Variants in COL15A1 observed in about 807,000 individuals in gnomAD.
COL15A1 encodes the protein collagen type XV alpha 1 chain.
Under a neutral mutation model 165.9 loss-of-function variants are expected in COL15A1, and 111 were observed. That is an observed-to-expected ratio of 0.67 (90% confidence interval 0.57 to 0.78). COL15A1 has a LOEUF of 0.78. Among genes scored for constraint, COL15A1 ranks in the 30% least tolerant of loss-of-function variants. COL15A1 has a pLI of 0.00. For missense variants in COL15A1, 1,745 were observed against 1,789.7 expected (o/e 0.98, Z 0.45); for synonymous variants, 659 against 674.8 (o/e 0.98, Z 0.36).
At chr9:98,990,478 A>G (rs1407257948) in intron 5 of COL15A1, among the ~76,000 whole-genome samples, 1 of 152,220 alleles carries the variant, frequency 6.6e-6, no homozygotes, top group Non-Finnish European at 1.5e-5. Flanking sequence ...CTGTGTGCCC[A>G]TCAGCCCTTG....
intron 2 of COL15A1, among the ~76,000 whole-genome samples, chr9:98,947,399 G>A (rs1837603719): frequency 6.6e-6 from 1 of 152,158 alleles, no homozygotes; most frequent in African/African-American, 2.4e-5. Context: ...AAAGGGGCAT[G>A]AGGAAACTTT....
chr9:98,966,214 A>G (rs1304164709), intron 2 of COL15A1, among the ~76,000 whole-genome samples: 1 of 152,214 alleles, frequency 6.6e-6, no homozygotes, highest in Non-Finnish European at 1.5e-5. Flanking sequence ...CATAGTATCA[A>G]TCATGCCAAA....
At chr9:99,020,787 G>A (rs993087221) in intron 12 of COL15A1, among the ~76,000 whole-genome samples, 8 of 152,178 alleles carry the variant, frequency 5.3e-5, no homozygotes, top group African/African-American at 1.9e-4. Context: ...TCTGGGCTCT[G>A]CCCCTGATTT....
intron 40 of COL15A1, among the ~76,000 whole-genome samples, 155 bp from the exon 41 acceptor site, chr9:99,068,400 G>A (rs1323088166): frequency 6.7e-6 from 1 of 150,304 alleles, no homozygotes; most frequent in African/African-American, 2.5e-5. Flanking sequence ...GGGAGGTGGA[G>A]GTTGCAGTGA....
chr9:99,003,640 T>G, intron 8 of COL15A1, 53 bp downstream of exon 8: 1 of 1,442,708 alleles, frequency 6.9e-7, no homozygotes, highest in Non-Finnish European at 9.2e-7. Flanking sequence ...GGTTGTGGGT[T>G]GTGTTGGGTG....
intron 2 of COL15A1, among the ~76,000 whole-genome samples, chr9:98,966,005 C>T (rs1837950952): frequency 6.6e-6 from 1 of 152,118 alleles, no homozygotes; most frequent in Non-Finnish European, 1.5e-5. Flanking sequence ...CAGCCCAGCG[C>T]CAAGTCCAGA....
chr9:99,034,865 C>A, intron 17 of COL15A1, 149 bp from the exon 18 acceptor site: 1 of 852,482 alleles, frequency 1.2e-6, no homozygotes, highest in Non-Finnish European at 1.9e-6. Context: ...ATTAGCAAGA[C>A]AGCTGTTTCT....
At chr9:99,027,615 A>G (rs1480017803) in intron 16 of COL15A1, among the ~76,000 whole-genome samples, 1 of 151,888 alleles carries the variant, frequency 6.6e-6, no homozygotes, top group Non-Finnish European at 1.5e-5. Flanking sequence ...ACAACTGCAT[A>G]CAAAACACCC....
At chr9:99,054,736 C>T (rs540935649) in intron 32 of COL15A1, 80 bp downstream of exon 32, 1 of 1,469,514 alleles carries the variant, frequency 6.8e-7, no homozygotes, top group Admixed American at 2.3e-5. Flanking sequence ...GTGACCTAGC[C>T]AGAGGGTAAG....
rs754255444 is a variant in COL15A1 at position 99,036,385 on chromosome 9, G to T, written c.2398G>T (p.Val800Phe). The T allele has an allele frequency of 3.1e-6, 5 of 1,614,070 alleles. No individual in the cohort carries two copies. The highest frequency in any genetic ancestry group is 4.5e-5 in the East Asian group (2 of 44,880). ...GPRGPPGHIKVLSNSLINITH... is the reference protein window; with the variant it reads ...GPRGPPGHIKFLSNSLINITH... ...GAGAGGGCCACCTGGGCACATCAAG[G>T]TCTTGTCTAATGTGAGTATCATTCA... The change falls in exon 21 of 42, where the codon GTC (valine) becomes TTC (phenylalanine). Residue 800 changes from valine (V) to phenylalanine (F), a missense_variant. Coordinates refer to ENST00000375001, the MANE Select transcript of COL15A1 (RefSeq NM_001855.5).
intron 34 of COL15A1, among the ~76,000 whole-genome samples, chr9:99,055,820 G>T (rs940917363): frequency 6.6e-6 from 1 of 152,200 alleles, no homozygotes; most frequent in Non-Finnish European, 1.5e-5. Context: ...AGAAAGTCAA[G>T]CTGTGCCCCC....
intron 4 of COL15A1, 43 bp downstream of exon 4, chr9:98,987,411 C>T: frequency 6.5e-7 from 1 of 1,540,802 alleles, no homozygotes. Flanking sequence ...GCAACCCCAG[C>T]AGCCGCAGCC....
chr9:99,038,555 A>G lies in COL15A1; in HGVS notation c.2410-113A>G, dbSNP rs575149868. On this transcript the variant is annotated intron_variant, in intron 21 of 41. Coordinates refer to ENST00000375001, the MANE Select transcript of COL15A1 (RefSeq NM_001855.5). ...TTGGCAGTGGGCTGAGGGCGTTCTC[A>G]GTGTCTGCGGTGTTCCGCTATGCTG... 183 of 676,370 alleles carry G rather than the reference A, an allele frequency of 2.7e-4. 2 individuals carry two copies. The South Asian group carries it at 3.4e-3, about 13-fold the overall frequency. 41.9% of individuals were successfully genotyped at this position (676,370 alleles called of 1,614,324 possible). A position where few individuals can be genotyped will look rare whatever the true frequency, so the allele number is the denominator to read the frequency against.
At chr9:99,021,646 T>G (rs1839029271) in intron 12 of COL15A1, among the ~76,000 whole-genome samples, 1 of 152,168 alleles carries the variant, frequency 6.6e-6, no homozygotes, top group Non-Finnish European at 1.5e-5. Context: ...TGCCTGCCCT[T>G]GAGGGGCACA....
At position 99,003,314 on chromosome 9, in the gene COL15A1, A is replaced by G. The variant is rs1838696328; in HGVS notation, c.1066-139A>G. On this transcript the variant is annotated intron_variant, in intron 7 of 41. Transcript: ENST00000375001. ...TTCCCATCCCTGGATTTATGAAACC[A>G]TAGATGTGAAAGTCCTTGAGAGAAA... The G allele has an allele frequency of 9.6e-6, 6 of 623,832 alleles. No homozygotes were observed. The East Asian group carries it at 1.8e-4, about 19-fold the overall frequency. The allele number at this position is 623,832 out of a possible 1,614,324, so 38.6% of individuals were successfully genotyped here.
intron 24 of COL15A1, among the ~76,000 whole-genome samples, chr9:99,042,374 C>T (rs1379508510): frequency 2.6e-5 from 4 of 152,098 alleles, no homozygotes; most frequent in African/African-American, 9.7e-5. Flanking sequence ...CAGCTGTTAA[C>T]TTTTTTAATC....
intron 2 of COL15A1, among the ~76,000 whole-genome samples, chr9:98,975,007 G>T (rs960082332): frequency 6.0e-5 from 9 of 150,642 alleles, no homozygotes; most frequent in African/African-American, 2.0e-4. Flanking sequence ...TTCGCTTTGA[G>T]TCTGTTGTTG....
intron 4 of COL15A1, among the ~76,000 whole-genome samples, chr9:98,987,942 GA>G (rs1838344413): frequency 7.2e-6 from 1 of 138,400 alleles, no homozygotes; most frequent in Admixed American, 7.4e-5. Flanking sequence ...AGTGTGATGG[GA>G]AAAGGGGGAG....
At chr9:98,945,288 A>T (rs533678331) in intron 2 of COL15A1, among the ~76,000 whole-genome samples, 1 of 152,282 alleles carries the variant, frequency 6.6e-6, no homozygotes, top group African/African-American at 2.4e-5. Context: ...TCCCATCGCA[A>T]TGCAGGTATT....
Sources: gnomAD v4.1 joint callset for allele counts (sites outside exome capture counted in the v4.1 genomes callset) on GRCh38, gnomAD v4.1.1 for gene constraint, MANE v1.5 for transcripts, NCBI Gene and HGNC (gene_info 2026-07-23, HGNC 2026-07-21) for gene names.